ADAMTSL3: variants seen among roughly 807,000 people sequenced by gnomAD.
ADAMTSL3 encodes ADAMTS-like protein 3.
In ADAMTSL3, 128 loss-of-function variants were observed where a neutral mutation model predicts 201.7. The observed-to-expected ratio is 0.63, with a 90% CI of 0.55 to 0.73. The LOEUF is 0.73. Ranked by LOEUF, ADAMTSL3 falls within the 30% of genes least tolerant of loss-of-function variation. The pLI, the probability that ADAMTSL3 is intolerant of heterozygous loss-of-function variation, is 0.00. For synonymous variants in ADAMTSL3, 738 were observed against 748.4 expected, an observed-to-expected ratio of 0.99 and a Z score of 0.23; for missense variants, 1,990 against 2,119.6, an observed-to-expected ratio of 0.94 and a Z score of 1.20.
intron 4 of ADAMTSL3, among the ~76,000 whole-genome samples, chr15:83,782,135 G>A (rs2063179960): frequency 6.6e-6 from 1 of 152,164 alleles, no homozygotes; most frequent in African/African-American, 2.4e-5. Context: ...GTTCACTGCA[G>A]CACTATTCAC....
At chr15:84,024,790 G>T (rs149361638) in intron 26 of ADAMTSL3, among the ~76,000 whole-genome samples, 2 of 152,148 alleles carry the variant, frequency 1.3e-5, no homozygotes, top group Admixed American at 6.5e-5. Context: ...GTGGACATCC[G>T]TTTCTTTTCT....
intron 7 of ADAMTSL3, among the ~76,000 whole-genome samples, chr15:83,841,659 A>T (rs982397143): frequency 1.3e-5 from 2 of 148,818 alleles, no homozygotes; most frequent in Non-Finnish European, 3.0e-5. Flanking sequence ...CTGATACGGG[A>T]GGGGGGGCAG....
rs73445122 is a variant in ADAMTSL3 at position 84,032,622 on chromosome 15, A to G, written c.4754+1190A>G. On this transcript the variant is annotated intron_variant, in intron 28 of 29. Coordinates refer to ENST00000286744, the MANE Select transcript of ADAMTSL3 (RefSeq NM_207517.3). Reference sequence around the variant, plus strand: ...TATTTTTCTGAAACTTGCTTTTTCTACCTAAGAATATATTATAGATAATTC... The same window carrying G: ...TATTTTTCTGAAACTTGCTTTTTCTGCCTAAGAATATATTATAGATAATTC... Among the ~76,000 whole-genome samples the G allele has an allele frequency of 9.2e-3, 1,402 of 152,320 alleles. 26 individuals carry two copies. The highest frequency in any genetic ancestry group is 0.032 in the African/African-American group (1,342 of 41,574).
rs1397286125 is a variant in ADAMTSL3 at position 83,913,347 on chromosome 15, G to A, written c.1956G>A (p.Gly652=). ...SETTYDWEYA[G]FTPCTATCVG... ...CGACTTACGACTGGGAGTACGCTGGGTTCACCCCTTGCACAGCAACATGCG... is the reference window on the plus strand; with the variant it reads ...CGACTTACGACTGGGAGTACGCTGGATTCACCCCTTGCACAGCAACATGCG... Residue 652 remains glycine, a synonymous_variant, in exon 16 of 30, where the codon GGG becomes GGA. Coordinates refer to ENST00000286744, the MANE Select transcript of ADAMTSL3 (RefSeq NM_207517.3). 1 of 1,613,444 alleles carries A rather than the reference G, an allele frequency of 6.2e-7. No homozygotes were observed. Among genetic ancestry groups the A allele is most frequent in the African/African-American group, 1.3e-5 (1 of 74,896 alleles).
intron 10 of ADAMTSL3, among the ~76,000 whole-genome samples, chr15:83,888,101 G>C (rs907982632): frequency 3.3e-5 from 5 of 152,188 alleles, no homozygotes; most frequent in African/African-American, 1.2e-4. Context: ...ACATAGTCCT[G>C]CTGGAACTAT....
chr15:83,769,319 A>G (rs1321942461), intron 3 of ADAMTSL3, among the ~76,000 whole-genome samples: 1 of 152,218 alleles, frequency 6.6e-6, no homozygotes, highest in Non-Finnish European at 1.5e-5. Flanking sequence ...AGCTGTGTAT[A>G]TTTTAAACAT....
chr15:83,979,990 G>A (rs894390444), intron 20 of ADAMTSL3, among the ~76,000 whole-genome samples: 8 of 152,182 alleles, frequency 5.3e-5, no homozygotes, highest in African/African-American at 1.7e-4. Context: ...GCTGCACCCC[G>A]TAAGTCAGAA....
At chr15:83,907,495 C>G (rs1035267226) in intron 15 of ADAMTSL3, among the ~76,000 whole-genome samples, 1 of 152,146 alleles carries the variant, frequency 6.6e-6, no homozygotes, top group Non-Finnish European at 1.5e-5. Context: ...CACCACCTCC[C>G]GGCTTCAAGC....
intron 27 of ADAMTSL3, among the ~76,000 whole-genome samples, chr15:84,028,958 C>G (rs976074145): frequency 1.3e-5 from 2 of 152,202 alleles, no homozygotes; most frequent in African/African-American, 4.8e-5. Flanking sequence ...TTCCTTGCTT[C>G]CTCTTTGCCT....
intron 2 of ADAMTSL3, among the ~76,000 whole-genome samples, chr15:83,690,427 C>G (rs887921356): frequency 2.6e-5 from 4 of 152,112 alleles, no homozygotes; most frequent in African/African-American, 9.7e-5. Flanking sequence ...ACTGTTGCCC[C>G]CCGTCTCCTG....
intron 7 of ADAMTSL3, among the ~76,000 whole-genome samples, chr15:83,840,166 C>A (rs944307652): frequency 6.6e-6 from 1 of 151,830 alleles, no homozygotes; most frequent in African/African-American, 2.4e-5. Flanking sequence ...GGAATCCAAC[C>A]GAGAAGGAAT....
chr15:83,773,747 T>C (rs541496458), intron 4 of ADAMTSL3, 97 bp downstream of exon 4: 216 of 1,416,712 alleles, frequency 1.5e-4, no homozygotes, highest in Non-Finnish European at 2.0e-4. Flanking sequence ...TGGAATGTAC[T>C]GTGATGATGG....
At chr15:83,830,934 C>T (rs901889263) in intron 6 of ADAMTSL3, among the ~76,000 whole-genome samples, 3 of 151,972 alleles carry the variant, frequency 2.0e-5, no homozygotes, top group Non-Finnish European at 2.9e-5. Context: ...GGTAAATCCA[C>T]GAATGAACAA....
At chr15:83,705,690 C>G (rs2061841129) in intron 3 of ADAMTSL3, among the ~76,000 whole-genome samples, 1 of 152,028 alleles carries the variant, frequency 6.6e-6, no homozygotes, top group Non-Finnish European at 1.5e-5. Context: ...CCTCTATCTC[C>G]CAGCTCAGGG....
At chr15:83,656,279 C>A (rs1404189306) in intron 2 of ADAMTSL3, among the ~76,000 whole-genome samples, 1 of 152,208 alleles carries the variant, frequency 6.6e-6, no homozygotes, top group African/African-American at 2.4e-5. Flanking sequence ...TCTCTTTAGA[C>A]TTCTGCTGTC....
Position 83,890,162 on chromosome 15 carries a change from C to A in ADAMTSL3, c.1126C>A (p.Pro376Thr), listed in dbSNP as rs1364350906. 6.2e-7 allele frequency: 1 copy of A among 1,613,894 alleles called. No homozygotes were observed. Among genetic ancestry groups the A allele is most frequent in the Non-Finnish European group, 8.5e-7 (1 of 1,179,880 alleles). Residue 376 changes from proline (P) to threonine (T), a missense_variant, in exon 11 of 30, where the codon CCT becomes ACT. Coordinates refer to ENST00000286744, the MANE Select transcript of ADAMTSL3 (RefSeq NM_207517.3). Reference sequence around the variant, plus strand: ...GGATATCCGCTTGAAGAGGGTAGTTCCTGACCATTATTGTCACTACTACCC... The same window carrying A: ...GGATATCCGCTTGAAGAGGGTAGTTACTGACCATTATTGTCACTACTACCC... ...CVDIRLKRVV[P>T]DHYCHYYPEN...
At chr15:83,883,379 G>A (rs766459875) in intron 9 of ADAMTSL3, among the ~76,000 whole-genome samples, 15 of 151,606 alleles carry the variant, frequency 9.9e-5, no homozygotes, top group Admixed American at 9.9e-4. Context: ...CACCATGTTG[G>A]CCAGGCTGGT....
intron 5 of ADAMTSL3, among the ~76,000 whole-genome samples, chr15:83,818,028 C>T (rs772002812): frequency 6.5e-4 from 99 of 151,826 alleles, no homozygotes; most frequent in African/African-American, 1.6e-3. Flanking sequence ...AAAACGCAAA[C>T]GAAAACAATG....
At chr15:83,824,072 T>C (rs949621910) in intron 6 of ADAMTSL3, among the ~76,000 whole-genome samples, 1 of 150,156 alleles carries the variant, frequency 6.7e-6, no homozygotes, top group African/African-American at 2.5e-5. Flanking sequence ...AGAGACAGGG[T>C]CTCATCTGTC....
Sources: gnomAD v4.1 joint callset for allele counts (sites outside exome capture counted in the v4.1 genomes callset) on GRCh38, gnomAD v4.1.1 for gene constraint, MANE v1.5 for transcripts, NCBI Gene and HGNC (gene_info 2026-07-23, HGNC 2026-07-21) for gene names.